PUDP: variants seen among roughly 807,000 people sequenced by gnomAD.
The protein encoded by PUDP is pseudouridine-5'-phosphatase.
A neutral mutation model predicts 9.4 loss-of-function variants in PUDP; 8 were observed. That is an observed-to-expected ratio of 0.85 (90% CI 0.50 to 1.53). PUDP has a LOEUF of 1.53. Among genes scored for constraint, PUDP ranks in the 40% most tolerant of loss-of-function variants. The pLI, the probability that PUDP is intolerant of heterozygous loss-of-function variation, is 0.00. For missense variants in PUDP, 188 were observed against 189.7 expected, an observed-to-expected ratio of 0.99 and a Z score of 0.05; for synonymous variants, 99 against 80.7, an observed-to-expected ratio of 1.23 and a Z score of -1.22.
intron 1 of PUDP, among the ~76,000 whole-genome samples, chrX:7,125,456 T>C (rs1415191730): frequency 4.5e-5 from 5 of 111,591 alleles, no homozygotes; most frequent in Non-Finnish European, 7.5e-5. Context: ...CACATATCCC[T>C]AGGCCTTTTG....
At chrX:7,017,135 T>C (rs1358698469) in intron 1 of PUDP, among the ~76,000 whole-genome samples, 5 of 112,227 alleles carry the variant, frequency 4.5e-5, no homozygotes, top group African/African-American at 9.8e-5. Context: ...GCCTAAGGCA[T>C]TGCACTTACA....
chrX:7,110,597 A>C (rs752336594), intron 1 of PUDP, among the ~76,000 whole-genome samples: 1 of 112,114 alleles, frequency 8.9e-6, no homozygotes, highest in African/African-American at 3.2e-5. Context: ...AGAGACCACC[A>C]AACAGGCTTT....
At chrX:7,120,440 AAC>A (rs1329259418) in intron 1 of PUDP, among the ~76,000 whole-genome samples, 4 of 111,062 alleles carry the variant, frequency 3.6e-5, no homozygotes, top group Non-Finnish European at 7.5e-5. Context: ...TCCAGAAAGG[AAC>A]ACAGCCCTGC....
chrX:6,761,424 C>G (rs532013880), intron 3 of PUDP, among the ~76,000 whole-genome samples: 1 of 112,111 alleles, frequency 8.9e-6, no homozygotes, highest in South Asian at 3.7e-4. Context: ...TTTGTGAACA[C>G]TTGGACTATT....
chrX:6,846,503 G>A (rs114985588), intron 3 of PUDP, among the ~76,000 whole-genome samples: 2,204 of 109,683 alleles, frequency 0.02, 62 homozygotes, highest in African/African-American at 0.067. Flanking sequence ...ATGGCTGTGA[G>A]ACTCCCTCTC....
At chrX:6,971,873 T>G (rs972670136) in intron 3 of PUDP, among the ~76,000 whole-genome samples, 1 of 112,231 alleles carries the variant, frequency 8.9e-6, no homozygotes, top group East Asian at 2.8e-4. Context: ...CATTTGTTTG[T>G]GTCCTCTTGT....
In PUDP at chrX:6,790,278, A is replaced by G. The variant is rs763816304; in HGVS notation, c.*248-83812T>C. Among the ~76,000 whole-genome samples the G allele has an allele frequency of 2.7e-5, 3 of 112,208 alleles. No individual in the cohort carries two copies. The South Asian group carries it at 1.1e-3, about 42-fold the overall frequency. On this transcript the variant is annotated intron_variant and NMD_transcript_variant, in intron 3 of 3. Transcript: ENST00000655425. ...ATAAAAATATTTCACCTCAAAATAC[A>G]CTCAGAGGAATTTGTACAAAAATGT...
intron 3 of PUDP, among the ~76,000 whole-genome samples, chrX:6,834,276 C>T (rs1207488489): frequency 3.6e-5 from 4 of 111,763 alleles, no homozygotes; most frequent in Non-Finnish European, 7.5e-5. Flanking sequence ...ATGTCTCAAG[C>T]ATTACCTTAT....
intron 3 of PUDP, among the ~76,000 whole-genome samples, chrX:6,739,246 A>C (rs1334385479): frequency 1.8e-5 from 2 of 111,543 alleles, no homozygotes; most frequent in Non-Finnish European, 3.8e-5. Context: ...GAAATCGTGC[A>C]CATGGATGAT....
chrX:7,138,308 AG>A (rs1932768856), intron 1 of PUDP, among the ~76,000 whole-genome samples: 1 of 111,032 alleles, frequency 9.0e-6, no homozygotes, highest in African/African-American at 3.3e-5. Context: ...AATAGGCTAA[AG>A]GGATATTACC....
At chrX:6,845,386 C>G (rs757914161) in intron 3 of PUDP, among the ~76,000 whole-genome samples, 2 of 112,279 alleles carry the variant, frequency 1.8e-5, no homozygotes, top group African/African-American at 6.5e-5. Flanking sequence ...GACCAGTTAC[C>G]TGTGCCTTAA....
intron 3 of PUDP, among the ~76,000 whole-genome samples, chrX:6,861,248 A>G (rs1926997159): frequency 8.9e-6 from 1 of 111,834 alleles, no homozygotes; most frequent in South Asian, 3.8e-4. Flanking sequence ...TGAAGTCCCC[A>G]AGGCTATCCG....
At chrX:7,112,835 AT>A (rs34848803) in intron 1 of PUDP, among the ~76,000 whole-genome samples, 36,115 of 108,929 alleles carry the variant, frequency 0.33, 4,643 homozygotes, top group Middle Eastern at 0.47. Flanking sequence ...CTGATTTTTA[AT>A]TTTTTTTGTA....
chrX:7,088,007 T>C (rs952061196), intron 2 of PUDP, among the ~76,000 whole-genome samples: 139 of 112,087 alleles, frequency 1.2e-3, no homozygotes, highest in African/African-American at 4.2e-3. Context: ...TTTCATAGAC[T>C]TATAGCAGAA....
chrX:7,008,262 C>A (rs193285943), intron 1 of PUDP, among the ~76,000 whole-genome samples: 147 of 111,581 alleles, frequency 1.3e-3, no homozygotes, highest in African/African-American at 4.3e-3. Context: ...CTGCACCTGG[C>A]CAAAAAAATT....
intron 3 of PUDP, among the ~76,000 whole-genome samples, chrX:6,858,860 G>A (rs954046351): frequency 7.2e-5 from 8 of 111,508 alleles, no homozygotes; most frequent in Non-Finnish European, 1.5e-4. Context: ...TGATTAGCAC[G>A]AAAGCTGAAT....
chrX:6,926,922 C>CTTTTTT (rs61299123), intron 3 of PUDP, among the ~76,000 whole-genome samples: 14 of 66,858 alleles, frequency 2.1e-4, no homozygotes, highest in Admixed American at 1.3e-3. Context: ...GAGACAATTC[C>CTTTTTT]TTTTTTTTTT....
intron 3 of PUDP, among the ~76,000 whole-genome samples, chrX:6,752,604 G>T (rs1165761310): frequency 2.7e-5 from 3 of 111,693 alleles, no homozygotes; most frequent in African/African-American, 9.8e-5. Flanking sequence ...GGCAGTACAG[G>T]AAGGAGTTTA....
intron 3 of PUDP, among the ~76,000 whole-genome samples, chrX:6,811,138 C>G (rs2146700932): frequency 9.0e-6 from 1 of 111,500 alleles, no homozygotes; most frequent in African/African-American, 3.3e-5. Context: ...GGAGTGTATA[C>G]AGGTTTAACC....
Sources: allele counts gnomAD v4.1 joint callset (sites outside exome capture counted in the v4.1 genomes callset), GRCh38; gene constraint gnomAD v4.1.1; transcripts MANE v1.5; gene names NCBI Gene and HGNC (gene_info 2026-07-23, HGNC 2026-07-21).